Variants in RPS6KC1 observed in about 807,000 individuals in gnomAD.
The protein encoded by RPS6KC1 is ribosomal protein S6 kinase C1.
Under a neutral mutation model 103.8 loss-of-function variants are expected in RPS6KC1, and 54 were observed. That is an observed-to-expected ratio of 0.52 (90% CI 0.42 to 0.65). RPS6KC1 has a LOEUF of 0.65. RPS6KC1 is among the 30% of genes least tolerant of loss of function. The pLI is 0.00. For missense variants in RPS6KC1, 1,151 were observed against 1,253.8 expected (o/e 0.92, Z 1.24); for synonymous variants, 439 against 438.7 (o/e 1.00, Z -0.01).
the RPS6KC1 span, among the ~76,000 whole-genome samples, chr1:213,420,262 GCTGTC>G: frequency 6.6e-6 from 1 of 152,208 alleles, no homozygotes; most frequent in Non-Finnish European, 1.5e-5. Context: ...TAGCACCAAA[GCTGTC>G]CTGGTTTTCT....
chr1:213,195,990 A>G (rs1445598165), intron 8 of RPS6KC1, among the ~76,000 whole-genome samples: 4 of 152,156 alleles, frequency 2.6e-5, no homozygotes, highest in Admixed American at 1.3e-4. Flanking sequence ...CTCTGGGTAG[A>G]TACCCAGTAC....
At chr1:213,111,638 C>T (rs2083039411) in intron 4 of RPS6KC1, among the ~76,000 whole-genome samples, 1 of 152,072 alleles carries the variant, frequency 6.6e-6, no homozygotes, top group African/African-American at 2.4e-5. Flanking sequence ...CTACATTGTT[C>T]TAAATACTCT....
At chr1:213,065,525 G>A (rs2078251864) in intron 1 of RPS6KC1, among the ~76,000 whole-genome samples, 1 of 152,096 alleles carries the variant, frequency 6.6e-6, no homozygotes, top group Non-Finnish European at 1.5e-5. Flanking sequence ...ATGGATTTTT[G>A]CACTCAATTC....
chr1:213,200,436 A>C (rs939783829), intron 8 of RPS6KC1, among the ~76,000 whole-genome samples: 3 of 152,210 alleles, frequency 2.0e-5, no homozygotes, highest in Non-Finnish European at 4.4e-5. Flanking sequence ...AGCCACATGC[A>C]GAAGACAGAA....
the RPS6KC1 span, among the ~76,000 whole-genome samples, chr1:213,443,563 C>T: frequency 6.6e-6 from 1 of 152,046 alleles, no homozygotes; most frequent in East Asian, 1.9e-4. Context: ...CTTGGGCATT[C>T]CTTTCCTGTG....
chr1:213,105,936 TA>T (rs1407833717), intron 4 of RPS6KC1, among the ~76,000 whole-genome samples: 1 of 152,020 alleles, frequency 6.6e-6, no homozygotes, highest in African/African-American at 2.4e-5. Flanking sequence ...GCCATATGGC[TA>T]AAAAAAATTA....
chr1:213,215,097 T>G (rs188055684), intron 8 of RPS6KC1, among the ~76,000 whole-genome samples: 1 of 152,200 alleles, frequency 6.6e-6, no homozygotes, highest in African/African-American at 2.4e-5. Context: ...AAGAGGAAGT[T>G]TGAACCCATG....
chr1:213,808,056 G>T, the RPS6KC1 span, among the ~76,000 whole-genome samples: 3 of 152,210 alleles, frequency 2.0e-5, no homozygotes, highest in South Asian at 6.2e-4. Flanking sequence ...GACCCTGTTT[G>T]CCTGGGTATC....
At chr1:213,115,319 A>G (rs1274767910) in intron 4 of RPS6KC1, among the ~76,000 whole-genome samples, 3 of 152,038 alleles carry the variant, frequency 2.0e-5, no homozygotes, top group Non-Finnish European at 2.9e-5. Context: ...CATTTCTTCT[A>G]GATTTTCTAG....
chr1:213,508,626 T>C, the RPS6KC1 span, among the ~76,000 whole-genome samples: 8 of 152,174 alleles, frequency 5.3e-5, no homozygotes, highest in Non-Finnish European at 1.2e-4. Flanking sequence ...ATGCTCCCAA[T>C]AAGTTTTTCC....
At chr1:213,288,469 A>C in the RPS6KC1 span, among the ~76,000 whole-genome samples, 1 of 152,216 alleles carries the variant, frequency 6.6e-6, no homozygotes, top group African/African-American at 2.4e-5. Flanking sequence ...ACAGATTCAA[A>C]CATTCCTTTC....
At chr1:213,621,580 G>A in the RPS6KC1 span, among the ~76,000 whole-genome samples, 1 of 147,530 alleles carries the variant, frequency 6.8e-6, no homozygotes, top group Non-Finnish European at 1.5e-5. Context: ...ATAGACTGAA[G>A]GAACTAACAT....
the RPS6KC1 span, among the ~76,000 whole-genome samples, chr1:213,831,527 C>A: frequency 6.6e-6 from 1 of 152,158 alleles, no homozygotes; most frequent in Non-Finnish European, 1.5e-5. Flanking sequence ...ATGTCTGGAA[C>A]TATAAGACAA....
chr1:213,359,961 C>G, the RPS6KC1 span, among the ~76,000 whole-genome samples: 1 of 152,138 alleles, frequency 6.6e-6, no homozygotes, highest in East Asian at 1.9e-4. Flanking sequence ...TGTGGGTAAC[C>G]CGACCTTTCT....
the RPS6KC1 span, among the ~76,000 whole-genome samples, chr1:213,846,497 A>G: frequency 5.5e-4 from 84 of 152,316 alleles, no homozygotes; most frequent in Non-Finnish European, 1.1e-3. Context: ...CGATAAAAAT[A>G]TAAACAGACC....
chr1:213,087,100 C>A (rs1269223422), intron 3 of RPS6KC1, among the ~76,000 whole-genome samples: 1 of 151,794 alleles, frequency 6.6e-6, no homozygotes, highest in Non-Finnish European at 1.5e-5. Context: ...GATGATGTTT[C>A]ACTTTACCTT....
At chr1:213,760,109 G>C in the RPS6KC1 span, among the ~76,000 whole-genome samples, 13 of 152,004 alleles carry the variant, frequency 8.6e-5, no homozygotes, top group African/African-American at 3.1e-4. Flanking sequence ...AGTCAAATCT[G>C]TGATGCCGAA....
chr1:213,609,680 A>G, the RPS6KC1 span, among the ~76,000 whole-genome samples: 1 of 151,782 alleles, frequency 6.6e-6, no homozygotes, highest in East Asian at 2.0e-4. Context: ...TGGCCTTGCA[A>G]AGTCTTTGCC....
the RPS6KC1 span, among the ~76,000 whole-genome samples, chr1:213,575,607 G>C: frequency 1.2e-4 from 19 of 152,318 alleles, no homozygotes; most frequent in South Asian, 3.9e-3. Context: ...TGCCATGATT[G>C]TAAGTTTCCT....
Sources: allele counts gnomAD v4.1 joint callset (sites outside exome capture counted in the v4.1 genomes callset), GRCh38; gene constraint gnomAD v4.1.1; transcripts MANE v1.5; gene names NCBI Gene and HGNC (gene_info 2026-07-23, HGNC 2026-07-21).